TRIP12: variants seen among roughly 807,000 people sequenced by gnomAD.
The protein encoded by TRIP12 is E3 ubiquitin-protein ligase TRIP12.
Under a neutral mutation model 244.2 loss-of-function variants are expected in TRIP12, and 25 were observed. The observed-to-expected ratio is 0.10, with a 90% CI of 0.07 to 0.14. The LOEUF is 0.14. TRIP12 is among the 10% of genes least tolerant of loss of function. The pLI is 1.00. For missense variants in TRIP12, 1,677 were observed against 2,486.4 expected (o/e 0.67, Z 6.92); for synonymous variants, 905 against 873.1 (o/e 1.04, Z -0.64).
Position 229,802,311 on chromosome 2 carries a change from G to A in TRIP12, c.3147C>T (p.Asp1049=). 6.2e-7 allele frequency: 1 copy of A among 1,613,472 alleles called. No homozygotes were observed. The highest frequency in any genetic ancestry group is 8.5e-7 in the Non-Finnish European group (1 of 1,179,690). ...TATAATHAAA[D]LGSPSLQHSR... The stretch of plus-strand genomic sequence containing the variant: ...TGTGCTGCAAGCTGGGTGATCCCAA[G>A]TCAGCTGCAGCATGAGTGGCAGCTG... Residue 1049 remains aspartate, a synonymous_variant, in exon 21 of 42, where the codon GAC becomes GAT. Transcript: ENST00000675903.
In TRIP12 at chr2:229,778,868, G is replaced by C; in HGVS notation, c.5209+8C>G. ...ACACAAACCAACTAACTTACAGATAGGCATTACCTTTTGGATTGCTAAGAG... is the reference window on the plus strand; with the variant it reads ...ACACAAACCAACTAACTTACAGATACGCATTACCTTTTGGATTGCTAAGAG... On this transcript the variant is annotated splice_region_variant and intron_variant, in intron 35 of 41. Transcript: ENST00000675903. The surrounding 1 kb of genome is among the most constrained non-coding windows in gnomAD (Gnocchi z 4.1). The C allele has an allele frequency of 3.7e-6, 6 of 1,611,340 alleles. No individual in the cohort carries two copies. Among genetic ancestry groups the C allele is most frequent in the Non-Finnish European group, 5.1e-6 (6 of 1,177,590 alleles).
chr2:229,857,940 A>G (rs1021776856), intron 4 of TRIP12, among the ~76,000 whole-genome samples: 1 of 152,254 alleles, frequency 6.6e-6, no homozygotes, highest in African/African-American at 2.4e-5. Flanking sequence ...CATAAGTAGT[A>G]TTCATCTTTA....
At chr2:229,859,951 A>T (rs1381848575) in intron 3 of TRIP12, among the ~76,000 whole-genome samples, 1 of 152,240 alleles carries the variant, frequency 6.6e-6, no homozygotes, top group Admixed American at 6.5e-5. Context: ...AGAAGAAATA[A>T]GCATTAACAT....
intron 1 of TRIP12, among the ~76,000 whole-genome samples, chr2:229,911,215 T>G (rs2074220733): frequency 6.6e-6 from 1 of 152,248 alleles, no homozygotes; most frequent in South Asian, 2.1e-4. Flanking sequence ...TTCCTTACTC[T>G]ACAAACAGGT....
intron 8 of TRIP12, among the ~76,000 whole-genome samples, chr2:229,823,671 T>A (rs2050711754): frequency 7.3e-6 from 1 of 137,736 alleles, no homozygotes. Flanking sequence ...GGAGACTCTG[T>A]CTCAAAAAAA....
chr2:229,783,721 T>A (rs1008772366), intron 34 of TRIP12, among the ~76,000 whole-genome samples: 2 of 148,360 alleles, frequency 1.3e-5, no homozygotes, highest in African/African-American at 5.0e-5. Flanking sequence ...GAAATCCGAA[T>A]CAAAATCCTG....
intron 1 of TRIP12, among the ~76,000 whole-genome samples, chr2:229,909,557 T>TAA (rs770353018): frequency 4.9e-5 from 6 of 121,604 alleles, no homozygotes; most frequent in African/African-American, 9.1e-5. Context: ...AGACCTTGTC[T>TAA]AAAAAAAAAA....
intron 8 of TRIP12, among the ~76,000 whole-genome samples, chr2:229,821,122 AG>A (rs1448351274): frequency 1.3e-5 from 2 of 152,202 alleles, no homozygotes; most frequent in Admixed American, 1.3e-4. Context: ...TGGTTCAGTA[AG>A]GGCATCTTAG....
chr2:229,878,223 A>G (rs2064008976), intron 2 of TRIP12, among the ~76,000 whole-genome samples: 1 of 152,206 alleles, frequency 6.6e-6, no homozygotes, highest in East Asian at 1.9e-4. Context: ...GCCAAGGCCA[A>G]TGGATCACTT....
intron 6 of TRIP12, among the ~76,000 whole-genome samples, chr2:229,831,414 C>G (rs1015356434): frequency 1.3e-5 from 2 of 152,166 alleles, no homozygotes; most frequent in Non-Finnish European, 2.9e-5. Flanking sequence ...GTGGCTCACT[C>G]CTGTAATACC....
chr2:229,810,178 A>C (rs1286545899), intron 15 of TRIP12, among the ~76,000 whole-genome samples: 1 of 152,232 alleles, frequency 6.6e-6, no homozygotes, highest in Non-Finnish European at 1.5e-5. Flanking sequence ...TAGGCAATAC[A>C]GTGAGACCTT....
chr2:229,841,241 T>A (rs2154311055), intron 4 of TRIP12, among the ~76,000 whole-genome samples: 1 of 152,318 alleles, frequency 6.6e-6, no homozygotes, highest in Non-Finnish European at 1.5e-5. Context: ...AGGCGAGTTT[T>A]TTTGTATATA....
intron 1 of TRIP12, among the ~76,000 whole-genome samples, chr2:229,904,997 G>A (rs56269245): frequency 2.3e-3 from 354 of 152,266 alleles, no homozygotes; most frequent in Non-Finnish European, 3.3e-3. Flanking sequence ...TGTTTAGGCC[G>A]GGTGCGCTGG....
chr2:229,864,027 A>G (rs1362116063), intron 2 of TRIP12, among the ~76,000 whole-genome samples: 1 of 141,684 alleles, frequency 7.1e-6, no homozygotes, highest in Non-Finnish European at 1.5e-5. Context: ...AGAGAGAGAG[A>G]GAGAGAGAGA....
chr2:229,803,847 G>T, intron 19 of TRIP12, 152 bp downstream of exon 19: 1 of 813,358 alleles, frequency 1.2e-6, no homozygotes, highest in Non-Finnish European at 1.9e-6. Context: ...TTTTATAAAA[G>T]CTATTATGTG....
In TRIP12 at chr2:229,770,868, G is replaced by C. The variant is rs536735646; in HGVS notation, c.5808+651C>G. 1.5e-4 allele frequency among the ~76,000 whole-genome samples: 23 copies of C among 152,318 alleles called. No individual in the cohort carries two copies. In the East Asian group the frequency reaches 4.4e-3, roughly 29 times the overall value. On this transcript the variant is annotated intron_variant, in intron 39 of 41. Transcript: ENST00000675903. ...CGTCTTGTCTGCTGCCATGTGAGAT[G>C]TGCCTTTCACCTTCCACCATGATTG...
At chr2:229,807,470 A>G (rs1221926254) in intron 17 of TRIP12, 2 of 542,138 alleles carry the variant, frequency 3.7e-6, no homozygotes, top group African/African-American at 1.9e-5. Flanking sequence ...ATGGAACAAC[A>G]AACTTAAATT....
intron 30 of TRIP12, among the ~76,000 whole-genome samples, chr2:229,790,528 G>T (rs915157906): frequency 2.0e-4 from 28 of 139,180 alleles, no homozygotes; most frequent in Non-Finnish European, 3.0e-4. Flanking sequence ...GCAGGGGGCA[G>T]GGAGCAGGGG....
At chr2:229,919,414 T>TAA (rs66542643) in intron 1 of TRIP12, among the ~76,000 whole-genome samples, 12 of 146,544 alleles carry the variant, frequency 8.2e-5, no homozygotes, top group South Asian at 2.1e-4. Flanking sequence ...GATTCTGCTT[T>TAA]AAAAAAAAAA....
Sources: gnomAD v4.1 joint callset for allele counts (sites outside exome capture counted in the v4.1 genomes callset) on GRCh38, gnomAD v4.1.1 for gene constraint, Gnocchi (gnomAD v3.1) non-coding constraint, MANE v1.5 for transcripts, NCBI Gene and HGNC (gene_info 2026-07-23, HGNC 2026-07-21) for gene names.